The following ENTPD1 variants were observed in gnomAD, a reference collection of about 807,000 sequenced individuals.
ENTPD1 encodes the protein ectonucleoside triphosphate diphosphohydrolase 1, also known as ATP diphosphohydrolase.
Under a neutral mutation model 57.0 loss-of-function variants are expected in ENTPD1, and 33 were observed. That is an observed-to-expected ratio of 0.58 (90% CI 0.44 to 0.77). ENTPD1 has a LOEUF of 0.77. Ranked by LOEUF, ENTPD1 falls within the 30% of genes least tolerant of loss-of-function variation. The pLI, the probability that ENTPD1 is intolerant of heterozygous loss-of-function variation, is 0.00. For missense variants in ENTPD1, 501 were observed against 603.4 expected, an observed-to-expected ratio of 0.83 and a Z score of 1.78; for synonymous variants, 202 against 218.8, an observed-to-expected ratio of 0.92 and a Z score of 0.68.
At chr10:95,855,483 T>C (rs1270111613) in intron 7 of ENTPD1, among the ~76,000 whole-genome samples, 3 of 152,114 alleles carry the variant, frequency 2.0e-5, no homozygotes, top group Non-Finnish European at 4.4e-5. Flanking sequence ...GTCATTATGA[T>C]GTTAGCTGGT....
chr10:95,808,254 C>T (rs780213550), intron 1 of ENTPD1, among the ~76,000 whole-genome samples: 1 of 152,096 alleles, frequency 6.6e-6, no homozygotes, highest in Non-Finnish European at 1.5e-5. Context: ...AACCTTACAT[C>T]GCAGGGATAA....
intron 1 of ENTPD1, among the ~76,000 whole-genome samples, chr10:95,812,023 T>C (rs2098310400): frequency 6.6e-6 from 1 of 152,234 alleles, no homozygotes; most frequent in African/African-American, 2.4e-5. Flanking sequence ...AAAGAGGTTC[T>C]ACAAATTTTT....
chr10:95,777,144 G>A (rs1008084629), intron 1 of ENTPD1, among the ~76,000 whole-genome samples: 2 of 152,190 alleles, frequency 1.3e-5, no homozygotes, highest in African/African-American at 4.8e-5. Flanking sequence ...GCTCGTCAAA[G>A]TCATTCTCCA....
intron 1 of ENTPD1, among the ~76,000 whole-genome samples, chr10:95,739,201 C>T (rs960214151): frequency 4.6e-5 from 7 of 152,246 alleles, no homozygotes; most frequent in Admixed American, 2.0e-4. Context: ...GACTGATCAG[C>T]GTGGTGGTTG....
Position 95,869,565 on chromosome 10 carries a change from T to C in ENTPD1, c.*3182T>C, listed in dbSNP as rs1052497860. The C allele has an allele frequency of 4.1e-6, 4 of 985,210 alleles. No individual in the cohort carries two copies. The African/African-American group carries it at 7.0e-5, about 17-fold the overall frequency. 61.0% of individuals were successfully genotyped at this position (985,210 alleles called of 1,614,324 possible). A position where few individuals can be genotyped will look rare whatever the true frequency, so the allele number is the denominator to read the frequency against. On this transcript the variant is annotated 3_prime_UTR_variant, in exon 10 of 10. Coordinates refer to ENST00000371205, the MANE Select transcript of ENTPD1 (RefSeq NM_001776.6). ...ATGCCTGGCCAGAAGTGGTTACTTC[T>C]GTAGACAAAAGAATAATGCTACTTA...
chr10:95,811,620 GC>G (rs1455055975), intron 1 of ENTPD1, among the ~76,000 whole-genome samples: 1 of 152,096 alleles, frequency 6.6e-6, no homozygotes, highest in African/African-American at 2.4e-5. Context: ...GAACTCCTGG[GC>G]TCAAGTGATT....
At chr10:95,786,350 A>G (rs756921640) in intron 1 of ENTPD1, among the ~76,000 whole-genome samples, 5 of 152,154 alleles carry the variant, frequency 3.3e-5, no homozygotes, top group Non-Finnish European at 7.4e-5. Context: ...GCAATAAGCA[A>G]TGGAGGATGG....
At chr10:95,787,473 G>A (rs1310362382) in intron 1 of ENTPD1, among the ~76,000 whole-genome samples, 1 of 152,190 alleles carries the variant, frequency 6.6e-6, no homozygotes, top group Non-Finnish European at 1.5e-5. Context: ...TTGGCTGTAT[G>A]AAAATATAGA....
chr10:95,832,734 G>T (rs554478351), intron 2 of ENTPD1, among the ~76,000 whole-genome samples: 25 of 152,268 alleles, frequency 1.6e-4, no homozygotes, highest in African/African-American at 5.5e-4. Context: ...CTACTTTCTA[G>T]CCGAGACTTT....
At chr10:95,836,586 T>TC (rs1247756851) in intron 2 of ENTPD1, among the ~76,000 whole-genome samples, 6 of 152,176 alleles carry the variant, frequency 3.9e-5, no homozygotes, top group Non-Finnish European at 7.4e-5. Context: ...AAGGATATAC[T>TC]CATAGGGACT....
At chr10:95,758,002 C>CAAAAAAAAA (rs57407553) in intron 1 of ENTPD1, among the ~76,000 whole-genome samples, 10 of 26,406 alleles carry the variant, frequency 3.8e-4, no homozygotes, top group South Asian at 2.6e-3. Context: ...GACACTGTCT[C>CAAAAAAAAA]AAAAAAAAAA....
chr10:95,848,410 G>A (rs1447649169), intron 7 of ENTPD1, among the ~76,000 whole-genome samples: 1 of 152,094 alleles, frequency 6.6e-6, no homozygotes, highest in African/African-American at 2.4e-5. Context: ...GGCAGAATCG[G>A]GGGAGAGGTG....
intron 1 of ENTPD1, among the ~76,000 whole-genome samples, chr10:95,811,882 G>A (rs868178617): frequency 5.5e-4 from 84 of 152,226 alleles, no homozygotes; most frequent in African/African-American, 1.8e-3. Context: ...ACTGAATGTC[G>A]CTGTCTATGC....
At chr10:95,746,627 T>G (rs914060269) in intron 1 of ENTPD1, among the ~76,000 whole-genome samples, 2 of 152,184 alleles carry the variant, frequency 1.3e-5, no homozygotes, top group African/African-American at 2.4e-5. Flanking sequence ...CTCCTACTAC[T>G]TTCCACAAGA....
chr10:95,812,745 C>T (rs2098313172), intron 1 of ENTPD1, among the ~76,000 whole-genome samples: 2 of 152,192 alleles, frequency 1.3e-5, no homozygotes, highest in African/African-American at 2.4e-5. Flanking sequence ...TTCTTACCAA[C>T]ATTTCATATT....
chr10:95,716,989 G>C (rs1010389672), intron 1 of ENTPD1, among the ~76,000 whole-genome samples: 2 of 152,232 alleles, frequency 1.3e-5, no homozygotes, highest in Admixed American at 1.3e-4. Context: ...AACTGGATTT[G>C]CTGCTTGCTC....
upstream of ENTPD1, among the ~76,000 whole-genome samples, chr10:95,707,020 G>A (rs2097962841): frequency 1.3e-5 from 2 of 152,210 alleles, no homozygotes; most frequent in Admixed American, 1.3e-4. Context: ...CTGGGCACCC[G>A]AGGGTGCAGG....
In ENTPD1 at chr10:95,867,797, G is replaced by T; in HGVS notation, c.*1414G>T. 1.0e-6 allele frequency: 1 copy of T among 985,432 alleles called. No homozygotes were observed. The highest frequency in any genetic ancestry group is 1.2e-6 in the Non-Finnish European group (1 of 829,934). The allele number at this position is 985,432 out of a possible 1,614,324, so 61.0% of individuals were successfully genotyped here. ...GGGGACTGACTGTTGAGCTGATGGG[G>T]AAAGAAAAGCTCTCACACAAACCGG... On this transcript the variant is annotated 3_prime_UTR_variant, in exon 10 of 10. Coordinates refer to ENST00000371205, the MANE Select transcript of ENTPD1 (RefSeq NM_001776.6).
chr10:95,832,965 T>A (rs959653940), intron 2 of ENTPD1, among the ~76,000 whole-genome samples: 38 of 152,260 alleles, frequency 2.5e-4, no homozygotes, highest in Non-Finnish European at 4.7e-4. Flanking sequence ...ACTGAACCAG[T>A]ACTCTGCAGG....
Sources: gnomAD v4.1 joint callset for allele counts (sites outside exome capture counted in the v4.1 genomes callset) on GRCh38, gnomAD v4.1.1 for gene constraint, MANE v1.5 for transcripts, NCBI Gene and HGNC (gene_info 2026-07-23, HGNC 2026-07-21) for gene names.